POC1B: variants seen among roughly 807,000 people sequenced by gnomAD.
The protein encoded by POC1B is POC1 centriolar protein homolog B.
Under a neutral mutation model 60.6 loss-of-function variants are expected in POC1B, and 44 were observed. That is an observed-to-expected ratio of 0.73 (90% confidence interval 0.57 to 0.93). The LOEUF is 0.93. POC1B is among the 40% of genes least tolerant of loss of function. POC1B has a pLI of 0.00. For missense variants in POC1B, 555 were observed against 572.3 expected (o/e 0.97, Z 0.31); for synonymous variants, 180 against 198.9 (o/e 0.90, Z 0.80).
At chr12:89,523,087 T>C (rs758552582) in intron 2 of POC1B, 8 of 1,613,940 alleles carry the variant, frequency 5.0e-6, no homozygotes, top group Non-Finnish European at 1.7e-6. Flanking sequence ...GTTTGAAGTA[T>C]ATTCAAAGAA....
intron 4 of POC1B, among the ~76,000 whole-genome samples, chr12:89,489,742 C>T (rs74829987): frequency 0.015 from 2,242 of 152,278 alleles, 43 homozygotes; most frequent in Middle Eastern, 0.048. Context: ...CCACAGTTTT[C>T]CCCTGCTGAC....
At chr12:89,440,676 A>G (rs1441804495) in intron 10 of POC1B, among the ~76,000 whole-genome samples, 1 of 152,228 alleles carries the variant, frequency 6.6e-6, no homozygotes, top group African/African-American at 2.4e-5. Flanking sequence ...CCAAATAGGA[A>G]CAGCTCCAGT....
intron 9 of POC1B, chr12:89,459,957 T>A (rs1882421987): frequency 2.1e-6 from 1 of 479,900 alleles, no homozygotes; most frequent in Non-Finnish European, 3.8e-6. Context: ...GTTTTCACTT[T>A]AGAAAATCAA....
In POC1B at chr12:89,525,970, A is replaced by AGGGGACCGTGCGGCTCC. The variant is rs1565768695; in HGVS notation, c.-92_-76dup. 3.2e-6 allele frequency: 5 copies of AGGGGACCGTGCGGCTCC among 1,545,500 alleles called. No individual in the cohort carries two copies. The highest frequency in any genetic ancestry group is 3.9e-5 in the Admixed American group (2 of 50,648). On this transcript the variant is annotated 5_prime_UTR_variant, in exon 1 of 12. Transcript: ENST00000313546. The stretch of plus-strand genomic sequence containing the variant: ...GGGAGGGGAGAGGATGGGGAAGGAG[A>AGGGGACCGTGCGGCTCC]GGGGACCGTGCGGCTCCCGGAACCG...
At chr12:89,471,176 T>C (rs1410759602) in intron 6 of POC1B, among the ~76,000 whole-genome samples, 3 of 152,194 alleles carry the variant, frequency 2.0e-5, no homozygotes, top group African/African-American at 7.2e-5. Context: ...ATCATTTCGA[T>C]TTAATATAAA....
rs146198914 is a variant in POC1B at position 89,419,988 on chromosome 12, C to T, written c.*1165G>A. Reference sequence around the variant, plus strand: ...TTTCTAAATATAGAAATAAATAGGACGGCACTATTTCTTCTTTTCCAAAAC... The same window carrying T: ...TTTCTAAATATAGAAATAAATAGGATGGCACTATTTCTTCTTTTCCAAAAC... On this transcript the variant is annotated 3_prime_UTR_variant, in exon 12 of 12. Coordinates refer to ENST00000313546, the MANE Select transcript of POC1B (RefSeq NM_172240.3). 1.2e-4 allele frequency: 19 copies of T among 152,174 alleles called. No individual in the cohort carries two copies. The highest frequency in any genetic ancestry group is 2.2e-4 in the Non-Finnish European group (15 of 67,996). 9.4% of individuals were successfully genotyped at this position (152,174 alleles called of 1,614,324 possible).
At chr12:89,468,459 C>T (rs930179524) in intron 7 of POC1B, among the ~76,000 whole-genome samples, 1 of 152,008 alleles carries the variant, frequency 6.6e-6, no homozygotes, top group Admixed American at 6.6e-5. Flanking sequence ...TTAATCTGTA[C>T]AAGAAAAGTT....
chr12:89,448,257 T>C (rs567831421), intron 10 of POC1B, among the ~76,000 whole-genome samples: 8 of 152,096 alleles, frequency 5.3e-5, no homozygotes, highest in Admixed American at 1.3e-4. Flanking sequence ...CTGGACAACA[T>C]GGCGAGACCT....
At position 89,525,198 on chromosome 12, in the gene POC1B, G is replaced by A. The variant is rs1871342033; in HGVS notation, c.22C>T (p.Pro8Ser). 6.2e-7 allele frequency: 1 copy of A among 1,608,764 alleles called. No homozygotes were observed. Among genetic ancestry groups the A allele is most frequent in the Non-Finnish European group, 8.5e-7 (1 of 1,177,596 alleles). MASATED[P>S]VLERYFKGHK... ...CCTTTGAAATAACGCTCCAGAACGG[G>A]GTCCTCCTGGAAAGGAAAGTTGTCA... Residue 8 changes from proline (P) to serine (S), a missense_variant, in exon 2 of 12, where the codon CCC (proline) becomes TCC (serine). By Grantham distance (74) the Pro-to-Ser change is moderately conservative (BLOSUM62 -1). Coordinates refer to ENST00000313546, the MANE Select transcript of POC1B (RefSeq NM_172240.3).
At chr12:89,481,194 T>C (rs1190564892) in intron 4 of POC1B, among the ~76,000 whole-genome samples, 2 of 152,256 alleles carry the variant, frequency 1.3e-5, no homozygotes, top group Non-Finnish European at 2.9e-5. Flanking sequence ...TCAATTTTCC[T>C]TGGCTATTCT....
downstream of POC1B, among the ~76,000 whole-genome samples, chr12:89,417,615 A>AT (rs1343713342): frequency 6.6e-6 from 1 of 152,264 alleles, no homozygotes; most frequent in Non-Finnish European, 1.5e-5. Flanking sequence ...AACAACTTGT[A>AT]TAAGTCCAAG....
In POC1B at chr12:89,525,946, G is replaced by A. The variant is rs1871456087; in HGVS notation, c.-51C>T. The A allele has an allele frequency of 1.3e-6, 2 of 1,537,134 alleles. No individual in the cohort carries two copies. The highest frequency in any genetic ancestry group is 2.0e-5 in the Admixed American group (1 of 49,824). On this transcript the variant is annotated 5_prime_UTR_variant, in exon 1 of 12. Coordinates refer to ENST00000313546, the MANE Select transcript of POC1B (RefSeq NM_172240.3). The stretch of plus-strand genomic sequence containing the variant: ...CTGTGGGTGGGGGAACCCGGAGAGG[G>A]GAGGGGAGAGGATGGGGAAGGAGAG...
chr12:89,414,622 T>C, the POC1B span, among the ~76,000 whole-genome samples: 11 of 152,392 alleles, frequency 7.2e-5, no homozygotes, highest in African/African-American at 2.4e-4. Flanking sequence ...CAAAGAGTTG[T>C]ATAAGCCATC....
Position 89,425,179 on chromosome 12 carries a change from T to C in POC1B, c.1314A>G (p.Gln438=). ...TGCCCACCTGTGTCAAAACATTGAG[T>C]TGTTCCATAATATGCTCTAAAGCAT... is the stretch of plus-strand genomic sequence containing the variant. ...VTDALEHIME[Q]LNVLTQTVSI... Residue 438 remains glutamine (Q), a synonymous_variant, in exon 11 of 12, where the codon CAA becomes CAG. Transcript: ENST00000313546. The C allele has an allele frequency of 1.9e-6, 3 of 1,614,142 alleles. No individual in the cohort carries two copies. Among genetic ancestry groups the C allele is most frequent in the Non-Finnish European group, 2.5e-6 (3 of 1,179,978 alleles).
At chr12:89,497,467 G>C (rs889167483) in intron 2 of POC1B, 125 bp from the exon 3 acceptor site, 22 of 939,230 alleles carry the variant, frequency 2.3e-5, no homozygotes, top group Non-Finnish European at 3.3e-5. Context: ...AGGTTGTAAG[G>C]CTGCCCAGGT....
chr12:89,439,681 T>G (rs1238994123), intron 10 of POC1B, among the ~76,000 whole-genome samples: 1 of 152,234 alleles, frequency 6.6e-6, no homozygotes, highest in Non-Finnish European at 1.5e-5. Flanking sequence ...CTTGGCTCAC[T>G]GCAACTCTGC....
chr12:89,474,489 C>T (rs573407906), intron 4 of POC1B, among the ~76,000 whole-genome samples: 19 of 152,188 alleles, frequency 1.2e-4, no homozygotes, highest in Non-Finnish European at 2.5e-4. Context: ...ATTCCTTGAG[C>T]ACATGTGTCC....
intron 10 of POC1B, among the ~76,000 whole-genome samples, chr12:89,449,725 T>C (rs988570864): frequency 1.3e-4 from 20 of 152,148 alleles, no homozygotes; most frequent in Non-Finnish European, 2.9e-5. Context: ...AGGAAAAAAC[T>C]GTACATTATA....
At chr12:89,502,048 G>T in intron 2 of POC1B, 1 of 985,038 alleles carries the variant, frequency 1.0e-6, no homozygotes, top group South Asian at 1.3e-5. Context: ...TATTATGACT[G>T]CACAGAATGT....
Sources: allele counts gnomAD v4.1 joint callset (sites outside exome capture counted in the v4.1 genomes callset), GRCh38; gene constraint gnomAD v4.1.1; transcripts MANE v1.5; gene names NCBI Gene and HGNC (gene_info 2026-07-23, HGNC 2026-07-21).